The following SCAI variants were observed in gnomAD, a reference collection of about 807,000 sequenced individuals.
SCAI encodes the protein suppressor of cancer cell invasion.
Under a neutral mutation model 92.2 loss-of-function variants are expected in SCAI, and 24 were observed. The observed-to-expected ratio is 0.26, with a 90% CI of 0.19 to 0.37. SCAI has a LOEUF of 0.37. Among genes scored for constraint, SCAI ranks in the 10% least tolerant of loss-of-function variants. The pLI is 1.00. For missense variants in SCAI, 450 were observed against 736.2 expected (o/e 0.61, Z 4.50); for synonymous variants, 261 against 258.6 (o/e 1.01, Z -0.09).
chr9:124,974,227 T>A (rs546338206), intron 15 of SCAI: 1 of 450,506 alleles, frequency 2.2e-6, no homozygotes, highest in Admixed American at 2.4e-5. Context: ...GCAGATCTCT[T>A]GAGCCCAGGA....
intron 2 of SCAI, among the ~76,000 whole-genome samples, chr9:125,134,005 G>C (rs573841322): frequency 6.6e-6 from 1 of 152,148 alleles, no homozygotes; most frequent in African/African-American, 2.4e-5. Context: ...AACCCCCTTA[G>C]TTGAGAACCA....
intron 7 of SCAI, among the ~76,000 whole-genome samples, chr9:125,019,839 A>G (rs1200160138): frequency 7.2e-5 from 11 of 152,000 alleles, no homozygotes; most frequent in Non-Finnish European, 1.6e-4. Context: ...TTCGGGAGGC[A>G]GAGGCTGGCG....
Position 125,043,882 on chromosome 9 carries a change from G to A in SCAI, c.230+11994C>T, listed in dbSNP as rs549567861. ...GAGGCCAGGAACAGGTGGAAGCCGG[G>A]CCACCTACTGAGTTGGAGGGGTGGG... On this transcript the variant is annotated intron_variant, in intron 3 of 17. Coordinates refer to ENST00000336505, the MANE Select transcript of SCAI (RefSeq NM_001144877.3). 5.3e-5 allele frequency among the ~76,000 whole-genome samples: 8 copies of A among 152,260 alleles called. No individual in the cohort carries two copies. The East Asian group carries it at 1.5e-3, about 29-fold the overall frequency.
intron 3 of SCAI, among the ~76,000 whole-genome samples, chr9:125,055,353 A>G (rs1250997499): frequency 1.3e-5 from 2 of 152,154 alleles, no homozygotes; most frequent in Admixed American, 1.3e-4. Context: ...TAAATCATAA[A>G]TAGCATGGTT....
intron 2 of SCAI, among the ~76,000 whole-genome samples, chr9:125,104,883 G>A (rs1393486821): frequency 6.7e-6 from 1 of 150,322 alleles, no homozygotes; most frequent in African/African-American, 2.5e-5. Context: ...GCTTAAACCT[G>A]CAAGGTGGAG....
intron 3 of SCAI, among the ~76,000 whole-genome samples, chr9:125,032,781 T>C (rs112654604): frequency 0.039 from 5,853 of 151,714 alleles, 376 homozygotes; most frequent in African/African-American, 0.13. Flanking sequence ...GCCCGGTTAA[T>C]TTTTGTATTT....
chr9:124,966,403 C>T (rs1310708195), intron 17 of SCAI, among the ~76,000 whole-genome samples: 2 of 152,094 alleles, frequency 1.3e-5, no homozygotes. Context: ...TGGAAACCAT[C>T]ATTCTCAGCA....
chr9:124,991,351 C>CAAAAAAAAAAAAAAA (rs34976572), intron 14 of SCAI, among the ~76,000 whole-genome samples: 2 of 40,230 alleles, frequency 5.0e-5, no homozygotes, highest in Non-Finnish European at 7.8e-5. Context: ...AACTCCGTCT[C>CAAAAAAAAAAAAAAA]AAAAAAAAAA....
chr9:125,136,115 CTTT>C (rs200355256), intron 2 of SCAI, among the ~76,000 whole-genome samples: 4 of 142,052 alleles, frequency 2.8e-5, no homozygotes, highest in Admixed American at 7.1e-5. Context: ...ATTAACTTAC[CTTT>C]TTTTTTTTTT....
chr9:125,088,766 C>A (rs182601540), intron 2 of SCAI, among the ~76,000 whole-genome samples: 34 of 152,230 alleles, frequency 2.2e-4, no homozygotes, highest in African/African-American at 6.7e-4. Flanking sequence ...GCATGAACCA[C>A]CATGCCTGGA....
At chr9:125,141,229 G>A in intron 2 of SCAI, among the ~76,000 whole-genome samples, 1 of 152,104 alleles carries the variant, frequency 6.6e-6, no homozygotes, top group East Asian at 1.9e-4. Context: ...CCTGCATATG[G>A]TTACTGGATT....
chr9:125,063,982 G>T (rs1833829014), intron 2 of SCAI, among the ~76,000 whole-genome samples: 1 of 152,128 alleles, frequency 6.6e-6, no homozygotes, highest in African/African-American at 2.4e-5. Flanking sequence ...TTGAACTCCA[G>T]ACTCAGGTGA....
chr9:125,000,973 GA>G (rs1422142031), intron 12 of SCAI, among the ~76,000 whole-genome samples: 2 of 151,878 alleles, frequency 1.3e-5, no homozygotes, highest in Admixed American at 6.6e-5. Flanking sequence ...ATCATACTTT[GA>G]AAAAAGTAAA....
At chr9:125,103,258 T>C (rs1202287116) in intron 2 of SCAI, among the ~76,000 whole-genome samples, 3 of 152,170 alleles carry the variant, frequency 2.0e-5, no homozygotes, top group Admixed American at 1.3e-4. Context: ...TTTCTCGCAG[T>C]CTGTTTTCCT....
At chr9:125,041,177 T>C (rs1833312341) in intron 3 of SCAI, among the ~76,000 whole-genome samples, 4 of 152,220 alleles carry the variant, frequency 2.6e-5, no homozygotes, top group Admixed American at 2.6e-4. Flanking sequence ...TCCATTTTCC[T>C]TATAAGCTGA....
intron 9 of SCAI, among the ~76,000 whole-genome samples, chr9:125,006,637 G>T (rs1268330059): frequency 1.3e-5 from 2 of 151,962 alleles, no homozygotes; most frequent in Non-Finnish European, 2.9e-5. Context: ...GACTACAGGC[G>T]CACGCCACCA....
At chr9:125,054,909 T>G (rs1833633355) in intron 3 of SCAI, among the ~76,000 whole-genome samples, 1 of 152,094 alleles carries the variant, frequency 6.6e-6, no homozygotes, top group Non-Finnish European at 1.5e-5. Flanking sequence ...GGGAGAGACA[T>G]AATAAGCAAG....
At chr9:125,104,103 A>G (rs1834729125) in intron 2 of SCAI, among the ~76,000 whole-genome samples, 1 of 152,256 alleles carries the variant, frequency 6.6e-6, no homozygotes, top group South Asian at 2.1e-4. Flanking sequence ...AAGTAGAAAC[A>G]AACACTTAAA....
chr9:125,021,417 C>T lies in SCAI; in HGVS notation c.513-648G>A, dbSNP rs115082881. ...TGTTGTTCCTGTTGTGCTTTCTCTT[C>T]GGTTAATCAAATATTTTTTAGTGTT... On this transcript the variant is annotated intron_variant, in intron 6 of 17. Transcript: ENST00000336505. Among the ~76,000 whole-genome samples the T allele has an allele frequency of 9.1e-3, 1,387 of 152,188 alleles. 24 individuals carry two copies. Among genetic ancestry groups the T allele is most frequent in the African/African-American group, 0.031 (1,291 of 41,538 alleles).
Sources: gnomAD v4.1 joint callset for allele counts (sites outside exome capture counted in the v4.1 genomes callset) on GRCh38, gnomAD v4.1.1 for gene constraint, MANE v1.5 for transcripts, NCBI Gene and HGNC (gene_info 2026-07-23, HGNC 2026-07-21) for gene names.